The following ANKRD36C variants were observed in gnomAD, a reference collection of about 807,000 sequenced individuals.
The protein encoded by ANKRD36C is ankyrin repeat domain 36C.
Under a neutral mutation model 276.4 loss-of-function variants are expected in ANKRD36C, and 61 were observed. The observed-to-expected ratio is 0.22, with a 90% CI of 0.18 to 0.27. The LOEUF is 0.27. ANKRD36C is among the 10% of genes least tolerant of loss of function. ANKRD36C has a pLI of 1.00. For missense variants in ANKRD36C, 1,447 were observed against 2,032.3 expected (o/e 0.71, Z 5.54); for synonymous variants, 483 against 680.1 (o/e 0.71, Z 4.51).
At chr2:95,902,835 T>C (rs1198235715) in intron 42 of ANKRD36C, 51 bp downstream of exon 54, 1 of 1,511,566 alleles carries the variant, frequency 6.6e-7, no homozygotes, top group Non-Finnish European at 8.9e-7. Flanking sequence ...CGGAAGAGAA[T>C]TTCTTATCTA....
At chr2:95,865,754 T>C (rs1573726436) in intron 60 of ANKRD36C, among the ~76,000 whole-genome samples, 1 of 152,248 alleles carries the variant, frequency 6.6e-6, no homozygotes. Flanking sequence ...AATCAAAAAG[T>C]CTGGGGTTTT....
intron 6 of ANKRD36C, among the ~76,000 whole-genome samples, chr2:95,970,690 T>A (rs1382765937): frequency 6.6e-6 from 1 of 152,208 alleles, no homozygotes; most frequent in South Asian, 2.1e-4. Context: ...TAGACTGTTT[T>A]CAAAGTGATC....
exon 63 of ANKRD36C, chr2:95,855,515 T>G: frequency 6.2e-7 from 1 of 1,611,640 alleles, no homozygotes; most frequent in Non-Finnish European, 8.5e-7. Context: ...GTTGACAAAA[T>G]CTTTCCTGCT....
At chr2:95,913,397 T>C (rs1215671252) in intron 40 of ANKRD36C, among the ~76,000 whole-genome samples, 1 of 151,442 alleles carries the variant, frequency 6.6e-6, no homozygotes, top group Non-Finnish European at 1.5e-5. Flanking sequence ...TTCAAGATTA[T>C]CTCATTTTTA....
chr2:95,853,638 C>G (rs561393416), intron 64 of ANKRD36C, 71 bp downstream of exon 84: 93,356 of 1,503,798 alleles, frequency 0.062, 3,424 homozygotes, highest in Non-Finnish European at 0.071. Context: ...AAAATTAGTA[C>G]CCCAAAACAC....
intron 44 of ANKRD36C, 75 bp downstream of exon 64, chr2:95,893,458 C>G (rs977900183): frequency 6.6e-7 from 1 of 1,521,428 alleles, no homozygotes; most frequent in African/African-American, 1.4e-5. Context: ...ACGAGCCCCC[C>G]GCTGATTTAT....
intron 65 of ANKRD36C, 57 bp downstream of exon 85, chr2:95,852,069 A>G: frequency 1.3e-6 from 2 of 1,520,400 alleles, no homozygotes; most frequent in Non-Finnish European, 1.8e-6. Context: ...TTCATACTAC[A>G]GTGCTCCTTT....
At chr2:95,894,232 G>A (rs1334261726) in intron 44 of ANKRD36C, 1 of 185,316 alleles carries the variant, frequency 5.4e-6, no homozygotes, top group East Asian at 1.5e-4. Context: ...CTCTTCAGTG[G>A]AAGAGTCCTG....
chr2:95,954,046 T>G (rs1678268202), intron 13 of ANKRD36C, 41 bp from the exon 14 acceptor site: 1 of 1,533,586 alleles, frequency 6.5e-7, no homozygotes, highest in East Asian at 2.4e-5. Flanking sequence ...GCACGTTCAT[T>G]TCTTAAAAGA....
chr2:95,884,362 G>A, exon 53 of ANKRD36C: 1 of 1,610,810 alleles, frequency 6.2e-7, no homozygotes, highest in Middle Eastern at 2.3e-4. Context: ...TTGTCTCTGA[G>A]AAGACACTGA....
chr2:95,949,934 G>A (rs1678154237), intron 16 of ANKRD36C, among the ~76,000 whole-genome samples: 1 of 152,310 alleles, frequency 6.6e-6, no homozygotes, highest in Admixed American at 6.5e-5. Context: ...AAAAGCAGAA[G>A]AGAAAGTAAA....
intron 20 of ANKRD36C, among the ~76,000 whole-genome samples, 187 bp downstream of exon 20, chr2:95,940,973 T>C (rs1051730072): frequency 2.7e-5 from 4 of 149,060 alleles, no homozygotes; most frequent in African/African-American, 7.3e-5. Flanking sequence ...TTTAATGTAA[T>C]TTAACAATTA....
At position 95,921,830 on chromosome 2, in the gene ANKRD36C, A is replaced by G. The variant is rs1233195307; in HGVS notation, c.2144-20T>C. ...AAGACACTGAAAAACAAAAGGGATA[A>G]TCACTCATATGTAAATATGATACAT... On this transcript the variant is annotated intron_variant, in intron 32 of 66. Transcript: ENST00000456556. 1 of 1,591,142 alleles carries G rather than the reference A, an allele frequency of 6.3e-7. No individual in the cohort carries two copies. Among genetic ancestry groups the G allele is most frequent in the East Asian group, 2.3e-5 (1 of 44,306 alleles).
chr2:95,934,307 T>G (rs1677653530), intron 24 of ANKRD36C, among the ~76,000 whole-genome samples: 1 of 152,080 alleles, frequency 6.6e-6, no homozygotes. Context: ...TGCACATCTA[T>G]GTCTATTGCA....
exon 4 of ANKRD36C, chr2:95,982,309 C>T (rs1459289941): frequency 6.4e-7 from 1 of 1,550,882 alleles, no homozygotes; most frequent in South Asian, 1.2e-5. Context: ...ATAAAAATTC[C>T]ACCATTTTCA....
In ANKRD36C at chr2:95,859,899, A is replaced by C. The variant is rs770820289; in HGVS notation, c.3858T>G (p.His1286Gln). 1.2e-5 allele frequency: 19 copies of C among 1,550,352 alleles called. No individual in the cohort carries two copies. The South Asian group carries it at 2.1e-4, about 17-fold the overall frequency. The change falls in exon 61 of 67, where the codon CAT (histidine) becomes CAG (glutamine). Residue 1286 changes from histidine to glutamine, a missense_variant. Coordinates refer to ENST00000456556, the Ensembl canonical transcript of ANKRD36C. ...GTTCTTTTTCCAATTCAAGTGTTTCATGCTTTAACTGCGATTTTATTTCTT... is the reference window on the plus strand; with the variant it reads ...GTTCTTTTTCCAATTCAAGTGTTTCCTGCTTTAACTGCGATTTTATTTCTT...
chr2:95,903,124 G>C, intron 42 of ANKRD36C, 43 bp from the exon 53 acceptor site: 1 of 1,546,000 alleles, frequency 6.5e-7, no homozygotes, highest in Non-Finnish European at 8.7e-7. Context: ...ATGTAAAAAT[G>C]ACAAAATTAT....
At chr2:95,924,360 T>A (rs1677351763) in intron 30 of ANKRD36C, among the ~76,000 whole-genome samples, 1 of 151,594 alleles carries the variant, frequency 6.6e-6, no homozygotes, top group Non-Finnish European at 1.5e-5. Flanking sequence ...GTATAATATA[T>A]AAACCTCATC....
chr2:95,890,109 T>C, intron 46 of ANKRD36C, 115 bp from the exon 67 acceptor site: 6 of 1,343,288 alleles, frequency 4.5e-6, no homozygotes, highest in African/African-American at 1.5e-5. Flanking sequence ...GTGTAGGCTT[T>C]GATGGCTTCT....
Sources: allele counts gnomAD v4.1 joint callset (sites outside exome capture counted in the v4.1 genomes callset), GRCh38; gene constraint gnomAD v4.1.1; transcripts MANE v1.5; gene names NCBI Gene and HGNC (gene_info 2026-07-23, HGNC 2026-07-21).